Variants in MAPK8IP1 observed in about 807,000 individuals in gnomAD.
The protein encoded by MAPK8IP1 is mitogen-activated protein kinase 8 interacting protein 1, also known as C-Jun-amino-terminal kinase-interacting protein 1.
In MAPK8IP1, 17 loss-of-function variants were observed where a neutral mutation model predicts 72.6. That is an observed-to-expected ratio of 0.23 (90% CI 0.16 to 0.35). The LOEUF (loss-of-function observed/expected upper bound fraction) is 0.35, where lower values mean the gene tolerates loss of function less well. Among genes scored for constraint, MAPK8IP1 ranks in the 10% least tolerant of loss-of-function variants. The pLI is 1.00. For missense variants in MAPK8IP1, 789 were observed against 1,009.7 expected, an observed-to-expected ratio of 0.78 and a Z score of 2.96; for synonymous variants, 401 against 443.4, an observed-to-expected ratio of 0.90 and a Z score of 1.20.
In MAPK8IP1 at chr11:45,905,646, T is replaced by C. The variant is rs777084576; in HGVS notation, c.2064-3T>C. ...AGCCATCTGTGTGTCCCCTGGCTTCTAGGAGAGCATTCCAGCAGTTCTACA... is the reference window on the plus strand; with the variant it reads ...AGCCATCTGTGTGTCCCCTGGCTTCCAGGAGAGCATTCCAGCAGTTCTACA... On this transcript the variant is annotated splice_region_variant and splice_polypyrimidine_tract_variant and intron_variant, in intron 11 of 11. Coordinates refer to ENST00000241014, the MANE Select transcript of MAPK8IP1 (RefSeq NM_005456.4). The C allele has an allele frequency of 3.1e-6, 5 of 1,613,590 alleles. No homozygotes were observed. The highest frequency in any genetic ancestry group is 4.2e-6 in the Non-Finnish European group (5 of 1,179,670).
chr11:45,890,297 G>A (rs1371097521), intron 1 of MAPK8IP1, among the ~76,000 whole-genome samples: 1 of 152,238 alleles, frequency 6.6e-6, no homozygotes, highest in Non-Finnish European at 1.5e-5. Flanking sequence ...CTCTAGGACA[G>A]GGGTGTCCAA....
In MAPK8IP1 at chr11:45,885,806, G is replaced by C; in HGVS notation, c.-15G>C. Reference sequence around the variant, plus strand: ...GCGCCGCGCTCCGCCCGGATGGCCAGGGCTGTGCCCGAGAATGGCGGAGCG... The same window carrying C: ...GCGCCGCGCTCCGCCCGGATGGCCACGGCTGTGCCCGAGAATGGCGGAGCG... On this transcript the variant is annotated 5_prime_UTR_variant, in exon 1 of 12. Transcript: ENST00000241014. 1 of 1,403,386 alleles carries C rather than the reference G, an allele frequency of 7.1e-7. No homozygotes were observed. The highest frequency in any genetic ancestry group is 9.3e-7 in the Non-Finnish European group (1 of 1,075,364). The allele number at this position is 1,403,386 out of a possible 1,614,324, so 86.9% of individuals were successfully genotyped here.
At chr11:45,890,493 G>A (rs1160806782) in intron 1 of MAPK8IP1, among the ~76,000 whole-genome samples, 1 of 152,224 alleles carries the variant, frequency 6.6e-6, no homozygotes, top group Non-Finnish European at 1.5e-5. Context: ...TGGGCCATGG[G>A]TTAGACAAGC....
intron 1 of MAPK8IP1, among the ~76,000 whole-genome samples, chr11:45,890,485 G>T (rs2086558700): frequency 6.6e-6 from 1 of 152,214 alleles, no homozygotes; most frequent in South Asian, 2.1e-4. Flanking sequence ...CGCACCCATG[G>T]GCCATGGGTT....
rs764429006 is a variant in MAPK8IP1 at position 45,902,527 on chromosome 11, G to A, written c.760G>A (p.Ala254Thr). 3 of 1,611,348 alleles carry A rather than the reference G, an allele frequency of 1.9e-6. No individual in the cohort carries two copies. The highest frequency in any genetic ancestry group is 1.6e-4 in the Middle Eastern group (1 of 6,062). ...GGCACCTCCGGGTGGTCCCCCTGCT[G>A]CCCCGCCTGGGGGTCGGGGCCACTC... ...QMAPPGGPPA[A>T]PPGGRGHSHR... The change falls in exon 5 of 12, where the codon GCC (alanine) becomes ACC (threonine). Residue 254 changes from alanine (A) to threonine (T), a missense_variant. Coordinates refer to ENST00000241014, the MANE Select transcript of MAPK8IP1 (RefSeq NM_005456.4). This position sits in a 1 kb window ranked among gnomAD's most constrained non-coding sequence, Gnocchi z 9.3.
In MAPK8IP1 at chr11:45,903,249, A is replaced by G; in HGVS notation, c.1417+65A>G. On this transcript the variant is annotated intron_variant, in intron 5 of 11. Transcript: ENST00000241014. The surrounding 1 kb of genome is among the most constrained non-coding windows in gnomAD (Gnocchi z 6.4). Reference sequence around the variant, plus strand: ...TAGCGGGGGCAGAGCCAAAATGCGAAGTGTTCTGGGAGGCGACCCCAGGCC... The same window carrying G: ...TAGCGGGGGCAGAGCCAAAATGCGAGGTGTTCTGGGAGGCGACCCCAGGCC... 1 of 1,585,200 alleles carries G rather than the reference A, an allele frequency of 6.3e-7. No individual in the cohort carries two copies. The highest frequency in any genetic ancestry group is 1.1e-5 in the South Asian group (1 of 90,074).
chr11:45,903,202 A>C lies in MAPK8IP1; in HGVS notation c.1417+18A>C. 6.4e-7 allele frequency: 1 copy of C among 1,552,270 alleles called. No individual in the cohort carries two copies. The highest frequency in any genetic ancestry group is 8.8e-7 in the Non-Finnish European group (1 of 1,132,250). ...CTCCTCCAGTGAGTCAGCAAGGGGA[A>C]GCAGTGGGGTGGGGGGGTCCCTAGC... On this transcript the variant is annotated intron_variant, in intron 5 of 11. Coordinates refer to ENST00000241014, the MANE Select transcript of MAPK8IP1 (RefSeq NM_005456.4). The surrounding 1 kb of genome is among the most constrained non-coding windows in gnomAD (Gnocchi z 6.4).
Position 45,898,175 on chromosome 11 carries a change from C to T in MAPK8IP1, c.192C>T (p.Asp64=). The change falls in exon 2 of 12, where the codon GAC becomes GAT. Residue 64 remains aspartate, a synonymous_variant. Coordinates refer to ENST00000241014, the MANE Select transcript of MAPK8IP1 (RefSeq NM_005456.4). ...DECGISLQCK[D]TLSLRPPRAG... ...GTGGCATCAGCTTACAGTGCAAAGA[C>T]ACCCTGTCCTTACGGGTAAGGGCAA... 6.2e-7 allele frequency: 1 copy of T among 1,613,084 alleles called. No homozygotes were observed. The highest frequency in any genetic ancestry group is 2.2e-5 in the East Asian group (1 of 44,830).
At chr11:45,898,263 T>C in intron 2 of MAPK8IP1, 73 bp downstream of exon 2, 1 of 1,013,852 alleles carries the variant, frequency 9.9e-7, no homozygotes, top group South Asian at 1.3e-5. Context: ...GGTATCCCCA[T>C]AGTGACAAAG....
intron 2 of MAPK8IP1, among the ~76,000 whole-genome samples, chr11:45,899,306 C>A (rs1454398729): frequency 1.3e-5 from 2 of 152,256 alleles, no homozygotes; most frequent in African/African-American, 4.8e-5. Context: ...AGGGTTGCCT[C>A]CGAGCTAGGC....
chr11:45,902,172 A>G lies in MAPK8IP1; in HGVS notation c.604+111A>G, dbSNP rs2086658858. On this transcript the variant is annotated intron_variant, in intron 4 of 11. Coordinates refer to ENST00000241014, the MANE Select transcript of MAPK8IP1 (RefSeq NM_005456.4). The surrounding 1 kb of genome is among the most constrained non-coding windows in gnomAD (Gnocchi z 9.3). ...AGGGCTGAGTAGAGGTGAACTGCCCACCCACATCCCTGCACGAGCCCATCC... is the reference window on the plus strand; with the variant it reads ...AGGGCTGAGTAGAGGTGAACTGCCCGCCCACATCCCTGCACGAGCCCATCC... 9.2e-7 allele frequency: 1 copy of G among 1,090,078 alleles called. No homozygotes were observed. Among genetic ancestry groups the G allele is most frequent in the African/African-American group, 1.5e-5 (1 of 64,658 alleles). 67.5% of individuals were successfully genotyped at this position (1,090,078 alleles called of 1,614,324 possible).
At position 45,903,525 on chromosome 11, in the gene MAPK8IP1, A is replaced by C. The variant is rs570531710; in HGVS notation, c.1493+85A>C. 2.9e-5 allele frequency: 34 copies of C among 1,163,292 alleles called. No individual in the cohort carries two copies. The highest frequency in any genetic ancestry group is 1.0e-5 in the Non-Finnish European group (8 of 802,314). The allele number at this position is 1,163,292 out of a possible 1,614,324, so 72.1% of individuals were successfully genotyped here. ...CTACTTGTCACCCCTACATGGCCTC[A>C]GCCTAACCCCTGCCATCAGCCTTCA... On this transcript the variant is annotated intron_variant, in intron 6 of 11. Transcript: ENST00000241014. This position sits in a 1 kb window ranked among gnomAD's most constrained non-coding sequence, Gnocchi z 6.4.
rs2086702171 is a variant in MAPK8IP1 at position 45,905,632 on chromosome 11, T to C, written c.2064-17T>C. The C allele has an allele frequency of 6.2e-7, 1 of 1,610,364 alleles. No individual in the cohort carries two copies. Among genetic ancestry groups the C allele is most frequent in the African/African-American group, 1.3e-5 (1 of 74,882 alleles). ...CCAGTGGCGATCTGAGCCATCTGTG[T>C]GTCCCCTGGCTTCTAGGAGAGCATT... On this transcript the variant is annotated splice_polypyrimidine_tract_variant and intron_variant, in intron 11 of 11. Coordinates refer to ENST00000241014, the MANE Select transcript of MAPK8IP1 (RefSeq NM_005456.4).
intron 1 of MAPK8IP1, among the ~76,000 whole-genome samples, chr11:45,892,381 G>A (rs935903726): frequency 6.6e-6 from 1 of 152,216 alleles, no homozygotes; most frequent in Non-Finnish European, 1.5e-5. Context: ...TGGGACACCT[G>A]TGGTTAATTC....
rs2086688751 is a variant in MAPK8IP1 at position 45,904,694 on chromosome 11, C to T, written c.1777-24C>T. ...CAGCAGAGGAACAGACAGCAGCTGACGTGGCTCCATTTGTCACCTGTAGAT... is the reference window on the plus strand; with the variant it reads ...CAGCAGAGGAACAGACAGCAGCTGATGTGGCTCCATTTGTCACCTGTAGAT... On this transcript the variant is annotated intron_variant, in intron 8 of 11. Coordinates refer to ENST00000241014, the MANE Select transcript of MAPK8IP1 (RefSeq NM_005456.4). This position sits in a 1 kb window ranked among gnomAD's most constrained non-coding sequence, Gnocchi z 6.4. 5 of 1,610,680 alleles carry T rather than the reference C, an allele frequency of 3.1e-6. No individual in the cohort carries two copies. Among genetic ancestry groups the T allele is most frequent in the Non-Finnish European group, 3.4e-6 (4 of 1,177,288 alleles).
intron 1 of MAPK8IP1, among the ~76,000 whole-genome samples, chr11:45,886,653 T>A (rs1286756510): frequency 6.6e-6 from 1 of 151,938 alleles, no homozygotes; most frequent in Non-Finnish European, 1.5e-5. Flanking sequence ...CACCCCCCAA[T>A]CTGGTGTTAG....
intron 1 of MAPK8IP1, among the ~76,000 whole-genome samples, chr11:45,892,845 C>G (rs1363960734): frequency 6.6e-6 from 1 of 152,212 alleles, no homozygotes; most frequent in Non-Finnish European, 1.5e-5. Flanking sequence ...GCTTTGCTGT[C>G]ATTACCTGGT....
chr11:45,897,325 A>AG (rs1055016386), intron 1 of MAPK8IP1, among the ~76,000 whole-genome samples: 3 of 151,496 alleles, frequency 2.0e-5, no homozygotes, highest in South Asian at 2.1e-4. Flanking sequence ...GCCTAGGGAG[A>AG]GGGGGGTTCT....
At chr11:45,887,863 C>A (rs894025244) in intron 1 of MAPK8IP1, among the ~76,000 whole-genome samples, 93 of 152,230 alleles carry the variant, frequency 6.1e-4, no homozygotes, top group African/African-American at 2.1e-3. Flanking sequence ...CCCAAAGCCC[C>A]CGCTGCCCTT....
Sources: allele counts gnomAD v4.1 joint callset (sites outside exome capture counted in the v4.1 genomes callset), GRCh38; gene constraint gnomAD v4.1.1; non-coding constraint Gnocchi (gnomAD v3.1); transcripts MANE v1.5; gene names NCBI Gene and HGNC (gene_info 2026-07-23, HGNC 2026-07-21).